The following TRPM2 variants were observed in gnomAD, a reference collection of about 807,000 sequenced individuals.
TRPM2 encodes the protein estrogen-responsive element-associated gene 1 protein.
TRPM2 carries 161 observed loss-of-function variants against 174.0 expected under a neutral mutation model. The observed-to-expected ratio is 0.93, with a 90% confidence interval of 0.81 to 1.05. The LOEUF (loss-of-function observed/expected upper bound fraction) is 1.05, where lower values mean the gene tolerates loss of function less well. Among genes scored for constraint, TRPM2 ranks in the 50% least tolerant of loss-of-function variants. The pLI, the probability that TRPM2 is intolerant of heterozygous loss-of-function variation, is 0.00. For synonymous variants in TRPM2, 954 were observed against 861.3 expected, an observed-to-expected ratio of 1.11 and a Z score of -1.88; for missense variants, 2,057 against 2,038.0, an observed-to-expected ratio of 1.01 and a Z score of -0.18.
Position 44,367,785 on chromosome 21 carries a change from T to A in TRPM2, c.604+851T>A, listed in dbSNP as rs1390331600. ...GACTTGGCCTGCATGGCTCACAGAG[T>A]CCTCAGTTTCATTGTCTGCCTGGTG... On this transcript the variant is annotated intron_variant, in intron 4 of 31. Transcript: ENST00000397928. This position sits in a 1 kb window ranked among gnomAD's most constrained non-coding sequence, Gnocchi z 4.6. Among the ~76,000 whole-genome samples, 1 of 151,972 alleles carries A rather than the reference T, an allele frequency of 6.6e-6. No individual in the cohort carries two copies. Among genetic ancestry groups the A allele is most frequent in the Admixed American group, 6.6e-5 (1 of 15,258 alleles).
chr21:44,383,267 C>T (rs1163197787), intron 9 of TRPM2, among the ~76,000 whole-genome samples: 1 of 152,158 alleles, frequency 6.6e-6, no homozygotes, highest in Non-Finnish European at 1.5e-5. Context: ...CTTAGCCTGG[C>T]CCATTCTCCA....
chr21:44,425,865 G>A lies in TRPM2; in HGVS notation c.3795+38G>A, dbSNP rs774679779. ...CCAAGCCCAACCAGGCGGAGTGGCCGGGCCCCTGGGGAGGGGAGGGCGGCC... is the reference window on the plus strand; with the variant it reads ...CCAAGCCCAACCAGGCGGAGTGGCCAGGCCCCTGGGGAGGGGAGGGCGGCC... On this transcript the variant is annotated intron_variant, in intron 25 of 31. Coordinates refer to ENST00000397928, the MANE Select transcript of TRPM2 (RefSeq NM_003307.4). The A allele has an allele frequency of 4.1e-5, 61 of 1,496,732 alleles. 2 individuals are homozygous for A. Among genetic ancestry groups the A allele is most frequent in the South Asian group, 2.2e-4 (17 of 76,466 alleles). The allele number at this position is 1,496,732 out of a possible 1,614,324, so 92.7% of individuals were successfully genotyped here.
intron 25 of TRPM2, among the ~76,000 whole-genome samples, chr21:44,426,336 G>A (rs377759285): frequency 1.4e-4 from 21 of 152,272 alleles, no homozygotes; most frequent in African/African-American, 5.1e-4. Flanking sequence ...CCTCCCCTTG[G>A]TCTCTACCAC....
intron 20 of TRPM2, among the ~76,000 whole-genome samples, chr21:44,417,234 G>A (rs2050326564): frequency 1.4e-5 from 2 of 141,158 alleles, no homozygotes; most frequent in South Asian, 4.7e-4. Flanking sequence ...GGGCACAAGG[G>A]CGTGGCTCTG....
In TRPM2 at chr21:44,369,320, C is replaced by G. The variant is rs149453491; in HGVS notation, c.748C>G (p.Arg250Gly). Residue 250 changes from arginine to glycine, a missense_variant, in exon 5 of 32, where the codon CGC becomes GGC. Arg to Gly is a moderately radical substitution (Grantham distance 125, BLOSUM62 -2). Transcript: ENST00000397928. ...GVATWGTVHR[R>G]EGLIHPTGSF... The stretch of plus-strand genomic sequence containing the variant: ...CGCCACCTGGGGCACTGTCCACCGC[C>G]GCGAGGGCCTGATCCATCCCACGGT... 3.7e-5 allele frequency: 59 copies of G among 1,612,850 alleles called. No individual in the cohort carries two copies. Among genetic ancestry groups the G allele is most frequent in the Non-Finnish European group, 4.9e-5 (58 of 1,179,482 alleles).
chr21:44,364,328 G>T, intron 3 of TRPM2, 46 bp downstream of exon 3: 1 of 1,597,034 alleles, frequency 6.3e-7, no homozygotes, highest in Non-Finnish European at 8.6e-7. Flanking sequence ...GGAGCTGCAT[G>T]GCCCCACAGT....
intron 22 of TRPM2, chr21:44,422,476 T>C: frequency 6.6e-7 from 1 of 1,522,470 alleles, no homozygotes; most frequent in Admixed American, 2.0e-5. Context: ...TGAAAGGAGA[T>C]GCCCAGGCCT....
chr21:44,391,114 C>A lies in TRPM2; in HGVS notation c.1440+89C>A. On this transcript the variant is annotated intron_variant, in intron 10 of 31. Coordinates refer to ENST00000397928, the MANE Select transcript of TRPM2 (RefSeq NM_003307.4). The surrounding 1 kb of genome is among the most constrained non-coding windows in gnomAD (Gnocchi z 5.0). The stretch of plus-strand genomic sequence containing the variant: ...CAAGGGCAGGCAAAGTTCGCATTGT[C>A]TGGATCCCAGCCCTTCCCTTGAGGG... 1 of 1,590,446 alleles carries A rather than the reference C, an allele frequency of 6.3e-7. No individual in the cohort carries two copies. The highest frequency in any genetic ancestry group is 1.3e-5 in the African/African-American group (1 of 74,702).
Position 44,441,854 on chromosome 21 carries a change from G to A in TRPM2, c.*37G>A, listed in dbSNP as rs199652441. ...GGCTGGGCGGCTCCAGTCCATAGACGTTCCCCCCAGAAACCAGGGCTTCTC... is the reference window on the plus strand; with the variant it reads ...GGCTGGGCGGCTCCAGTCCATAGACATTCCCCCCAGAAACCAGGGCTTCTC... On this transcript the variant is annotated 3_prime_UTR_variant, in exon 32 of 32. Transcript: ENST00000397928. 32 of 1,554,926 alleles carry A rather than the reference G, an allele frequency of 2.1e-5. No homozygotes were observed. In the Admixed American group the frequency reaches 3.1e-4, roughly 15 times the overall value.
At chr21:44,424,484 G>A (rs1425215393) in intron 23 of TRPM2, among the ~76,000 whole-genome samples, 1 of 152,246 alleles carries the variant, frequency 6.6e-6, no homozygotes, top group Non-Finnish European at 1.5e-5. Flanking sequence ...AACCCTGGAA[G>A]CCTCTGGCTT....
chr21:44,398,444 G>A (rs1255926742), intron 13 of TRPM2, among the ~76,000 whole-genome samples: 1 of 152,014 alleles, frequency 6.6e-6, no homozygotes, highest in Non-Finnish European at 1.5e-5. Context: ...CAGATGATCC[G>A]CCCACCTCGG....
At chr21:44,361,175 T>G (rs1408435930) in intron 2 of TRPM2, among the ~76,000 whole-genome samples, 1 of 152,168 alleles carries the variant, frequency 6.6e-6, no homozygotes, top group Non-Finnish European at 1.5e-5. Context: ...ATATGGAGTC[T>G]CATTCTCTGG....
chr21:44,439,003 C>A lies in TRPM2; in HGVS notation c.4168-64C>A. The A allele has an allele frequency of 7.1e-7, 1 of 1,409,950 alleles. No homozygotes were observed. The highest frequency in any genetic ancestry group is 9.9e-7 in the Non-Finnish European group (1 of 1,014,284). 87.3% of individuals were successfully genotyped at this position (1,409,950 alleles called of 1,614,324 possible). A position where few individuals can be genotyped will look rare whatever the true frequency, so the allele number is the denominator to read the frequency against. On this transcript the variant is annotated intron_variant, in intron 29 of 31. Coordinates refer to ENST00000397928, the MANE Select transcript of TRPM2 (RefSeq NM_003307.4). The surrounding 1 kb of genome is among the most constrained non-coding windows in gnomAD (Gnocchi z 5.1). The stretch of plus-strand genomic sequence containing the variant: ...GGCAGGAGGCCAGTGGAGACGGGTG[C>A]CAGGGCAGCCTGAGGTCCCGCTTCG...
chr21:44,398,815 G>T (rs1037341724), intron 13 of TRPM2, among the ~76,000 whole-genome samples: 2 of 152,106 alleles, frequency 1.3e-5, no homozygotes, highest in African/African-American at 2.4e-5. Context: ...GAATCTTGTG[G>T]CCTCTGGCTG....
At position 44,380,620 on chromosome 21, in the gene TRPM2, C is replaced by T. The variant is rs567995864; in HGVS notation, c.1215+1423C>T. The stretch of plus-strand genomic sequence containing the variant: ...TGCTCCTGCTCAGTGGGGAGGGGCC[C>T]AGCCATGCAGCCAGGGTCAGTGCGC... On this transcript the variant is annotated intron_variant, in intron 8 of 31. Transcript: ENST00000397928. 6.6e-5 allele frequency among the ~76,000 whole-genome samples: 10 copies of T among 152,304 alleles called. No individual in the cohort carries two copies. In the South Asian group the frequency reaches 2.1e-3, roughly 32 times the overall value.
chr21:44,384,336 C>A (rs139008724), intron 9 of TRPM2, among the ~76,000 whole-genome samples: 1 of 152,272 alleles, frequency 6.6e-6, no homozygotes, highest in East Asian at 1.9e-4. Flanking sequence ...ACTGACCATC[C>A]TTGCCTTCCC....
Position 44,438,950 on chromosome 21 carries a change from TC to T in TRPM2, c.4168-114del, listed in dbSNP as rs1190582346. 8.1e-6 allele frequency: 6 copies of T among 742,350 alleles called. No individual in the cohort carries two copies. Among genetic ancestry groups the T allele is most frequent in the Non-Finnish European group, 1.3e-5 (6 of 454,450 alleles). 46.0% of individuals were successfully genotyped at this position (742,350 alleles called of 1,614,324 possible). ...GCCTGAGATGCCGCCTGCCTGTGGC[TC>T]CCAGGGCTGGGCCGCTGCCCACGCC... On this transcript the variant is annotated intron_variant, in intron 29 of 31. Transcript: ENST00000397928. The surrounding 1 kb of genome is among the most constrained non-coding windows in gnomAD (Gnocchi z 5.9).
At chr21:44,403,163 A>G (rs1308350358) in intron 16 of TRPM2, among the ~76,000 whole-genome samples, 1 of 152,114 alleles carries the variant, frequency 6.6e-6, no homozygotes. Context: ...CCCCAGCCCC[A>G]TGGGCAGCAG....
rs549310644 is a variant in TRPM2, at chr21:44,432,946, G to T, written c.3975-2185G>T. Among the ~76,000 whole-genome samples the T allele has an allele frequency of 1.7e-4, 26 of 152,294 alleles. 1 individual carries two copies. Among genetic ancestry groups the T allele is most frequent in the African/African-American group, 6.0e-4 (25 of 41,560 alleles). ...ATGGAACTACCGGGCACGTGGCAGG[G>T]AGATGAGGGGTTGAGAACCATATGG... On this transcript the variant is annotated intron_variant, in intron 27 of 31. Coordinates refer to ENST00000397928, the MANE Select transcript of TRPM2 (RefSeq NM_003307.4). The surrounding 1 kb of genome is among the most constrained non-coding windows in gnomAD (Gnocchi z 4.9).
Sources: allele counts gnomAD v4.1 joint callset (sites outside exome capture counted in the v4.1 genomes callset), GRCh38; gene constraint gnomAD v4.1.1; non-coding constraint Gnocchi (gnomAD v3.1); transcripts MANE v1.5; gene names NCBI Gene and HGNC (gene_info 2026-07-23, HGNC 2026-07-21).